NEIL2: variants seen among roughly 807,000 people sequenced by gnomAD.
NEIL2 encodes nei like DNA glycosylase 2, also known as endonuclease 8-like 2.
In NEIL2, 23 loss-of-function variants were observed where a neutral mutation model predicts 22.2. That is an observed-to-expected ratio of 1.04 (90% confidence interval 0.75 to 1.47). The LOEUF (loss-of-function observed/expected upper bound fraction) is 1.47. Among genes scored for constraint, NEIL2 ranks in the 40% most tolerant of loss-of-function variants. The pLI, the probability that NEIL2 is intolerant of heterozygous loss-of-function variation, is 0.00. For synonymous variants in NEIL2, 229 were observed against 164.8 expected (o/e 1.39, Z -2.99); for missense variants, 583 against 404.7 (o/e 1.44, Z -3.78).
In NEIL2 at chr8:11,779,093, T is replaced by G. The variant is rs111329973; in HGVS notation, c.139-505T>G. On this transcript the variant is annotated intron_variant, in intron 2 of 4. Coordinates refer to ENST00000284503, the MANE Select transcript of NEIL2 (RefSeq NM_145043.4). ...GTGGTGATCTGATTCACTGATCAAT[T>G]TTTGTTTCAGTATCTAATTTTTATT... Among the ~76,000 whole-genome samples, 1,040 of 152,240 alleles carry G rather than the reference T, an allele frequency of 6.8e-3. 9 individuals are homozygous for G. The highest frequency in any genetic ancestry group is 0.02 in the Middle Eastern group (6 of 294).
rs768520252 is a variant in NEIL2 at position 11,771,556 on chromosome 8, C to G, written c.109C>G (p.Leu37Val). ...CAGTAAGAAGCTACAGCCCGCCAGCCTGCAGTCTCTGTGGCTCCAGGACAC... is the reference window on the plus strand; with the variant it reads ...CAGTAAGAAGCTACAGCCCGCCAGCGTGCAGTCTCTGTGGCTCCAGGACAC... ...GSSKKLQPAS[L>V]QSLWLQDTQV... Residue 37 changes from leucine (L) to valine (V), a missense_variant, in exon 2 of 5, where the codon CTG (leucine) becomes GTG (valine). By Grantham distance (32) the Leu-to-Val change is conservative. Coordinates refer to ENST00000284503, the MANE Select transcript of NEIL2 (RefSeq NM_145043.4). 1.2e-6 allele frequency: 2 copies of G among 1,614,112 alleles called. No individual in the cohort carries two copies. Among genetic ancestry groups the G allele is most frequent in the Non-Finnish European group, 8.5e-7 (1 of 1,180,006 alleles).
At chr8:11,779,324 G>T (rs757247400) in intron 2 of NEIL2, among the ~76,000 whole-genome samples, 4 of 152,206 alleles carry the variant, frequency 2.6e-5, no homozygotes, top group East Asian at 3.8e-4. Context: ...AATTGGGAGC[G>T]ATTCCCTTCA....
At chr8:11,772,479 TC>T (rs1803544303) in intron 2 of NEIL2, among the ~76,000 whole-genome samples, 1 of 152,252 alleles carries the variant, frequency 6.6e-6, no homozygotes, top group African/African-American at 2.4e-5. Flanking sequence ...TTCCTGGTCT[TC>T]CAGCTTCCAC....
In NEIL2 at chr8:11,786,546, T is replaced by C. The variant is rs1804973517; in HGVS notation, c.*273T>C. Reference sequence around the variant, plus strand: ...TCGTGATGATGGGTAAGGGGAAAACTTCCCGGAAGGCAATGGGGCAAGGAA... The same window carrying C: ...TCGTGATGATGGGTAAGGGGAAAACCTCCCGGAAGGCAATGGGGCAAGGAA... On this transcript the variant is annotated 3_prime_UTR_variant, in exon 5 of 5. Coordinates refer to ENST00000284503, the MANE Select transcript of NEIL2 (RefSeq NM_145043.4). The C allele has an allele frequency of 3.9e-6, 2 of 511,080 alleles. No individual in the cohort carries two copies. Among genetic ancestry groups the C allele is most frequent in the Admixed American group, 3.2e-5 (1 of 31,022 alleles). 31.7% of individuals were successfully genotyped at this position (511,080 alleles called of 1,614,324 possible). A position where few individuals can be genotyped will look rare whatever the true frequency, so the allele number is the denominator to read the frequency against.
intron 2 of NEIL2, among the ~76,000 whole-genome samples, chr8:11,772,233 C>G (rs1231973466): frequency 6.6e-6 from 1 of 152,128 alleles, no homozygotes; most frequent in African/African-American, 2.4e-5. Flanking sequence ...GCAGAACCTT[C>G]AGATCTAGGT....
chr8:11,785,862 A>G, intron 4 of NEIL2, 101 bp from the exon 5 acceptor site: 1 of 1,083,072 alleles, frequency 9.2e-7, no homozygotes, highest in Non-Finnish European at 1.4e-6. Context: ...AGGGTCCCCC[A>G]GGACATGGAA....
intron 3 of NEIL2, 143 bp downstream of exon 3, chr8:11,780,093 C>A (rs1258431968): frequency 1.5e-6 from 1 of 655,988 alleles, no homozygotes; most frequent in African/African-American, 1.8e-5. Flanking sequence ...AGAGAGGCCA[C>A]CTCTGTATCT....
chr8:11,775,665 T>G (rs1803849334), intron 2 of NEIL2, among the ~76,000 whole-genome samples: 1 of 152,362 alleles, frequency 6.6e-6, no homozygotes, highest in Admixed American at 6.5e-5. Context: ...CTGCTTCCTC[T>G]TGAATGCTTT....
Position 11,786,692 on chromosome 8 carries a change from T to G in NEIL2, c.*419T>G, listed in dbSNP as rs1585797182. On this transcript the variant is annotated 3_prime_UTR_variant, in exon 5 of 5. Transcript: ENST00000284503. ...TCTTGCTCTGTCTCCCTGGCTAGGG[T>G]GTGGTGGTGTGATCTTGGCTCACGG... 1 of 239,174 alleles carries G rather than the reference T, an allele frequency of 4.2e-6. No homozygotes were observed. The highest frequency in any genetic ancestry group is 4.5e-5 in the South Asian group (1 of 22,076). The allele number at this position is 239,174 out of a possible 1,614,324, so 14.8% of individuals were successfully genotyped here. A position where few individuals can be genotyped will look rare whatever the true frequency, so the allele number is the denominator to read the frequency against.
chr8:11,775,313 C>G (rs1465168775), intron 2 of NEIL2, among the ~76,000 whole-genome samples: 1 of 124,818 alleles, frequency 8.0e-6, no homozygotes, highest in Admixed American at 9.8e-5. Context: ...GGCTTGTACC[C>G]TCTGAAGCAG....
chr8:11,775,027 C>A (rs921321237), intron 2 of NEIL2, among the ~76,000 whole-genome samples: 10 of 152,220 alleles, frequency 6.6e-5, no homozygotes, highest in African/African-American at 2.4e-4. Flanking sequence ...GTAGATCTAC[C>A]ATTCTGGGGT....
At position 11,783,187 on chromosome 8, in the gene NEIL2, TG is replaced by T; in HGVS notation, c.492-15del. 1 of 1,613,148 alleles carries T rather than the reference TG, an allele frequency of 6.2e-7. No homozygotes were observed. The highest frequency in any genetic ancestry group is 2.2e-5 in the East Asian group (1 of 44,886). On this transcript the variant is annotated splice_polypyrimidine_tract_variant and intron_variant, in intron 3 of 4. Transcript: ENST00000284503. ...GTGGTAACGATGTGTACATATGACCTGTTCTTTCTTCCCAGGTTGGTCCTGC... is the reference window on the plus strand; with the variant it reads ...GTGGTAACGATGTGTACATATGACCTTTCTTTCTTCCCAGGTTGGTCCTGC...
rs1188051910 is a variant in NEIL2 at position 11,772,095 on chromosome 8, C to G, written c.138+510C>G. The stretch of plus-strand genomic sequence containing the variant: ...GTGGGCGCCTGTAATCCCAGCTGCT[C>G]GGGAAGCTGAGGCAGGAGAATTGCT... On this transcript the variant is annotated intron_variant, in intron 2 of 4. Transcript: ENST00000284503. Among the ~76,000 whole-genome samples, 3 of 151,982 alleles carry G rather than the reference C, an allele frequency of 2.0e-5. No individual in the cohort carries two copies. The South Asian group carries it at 6.2e-4, about 32-fold the overall frequency.
chr8:11,774,621 A>G (rs996807137), intron 2 of NEIL2, among the ~76,000 whole-genome samples: 1 of 152,180 alleles, frequency 6.6e-6, no homozygotes, highest in South Asian at 2.1e-4. Flanking sequence ...CATTAATTTA[A>G]TAGGCCACAG....
chr8:11,772,891 TC>T (rs1348737203), intron 2 of NEIL2, among the ~76,000 whole-genome samples: 11 of 152,114 alleles, frequency 7.2e-5, no homozygotes. Flanking sequence ...AAGTACTAGT[TC>T]CCTTTCTTCC....
rs764887602 is a variant in NEIL2 at position 11,771,458 on chromosome 8, G to T, written c.11G>T (p.Gly4Val). 3.7e-6 allele frequency: 6 copies of T among 1,613,914 alleles called. No individual in the cohort carries two copies. Among genetic ancestry groups the T allele is most frequent in the Non-Finnish European group, 5.1e-6 (6 of 1,180,036 alleles). Residue 4 changes from glycine to valine, a missense_variant, in exon 2 of 5, where the codon GGG becomes GTG. By Grantham distance (109) the Gly-to-Val change is moderately radical (BLOSUM62 -3). Coordinates refer to ENST00000284503, the MANE Select transcript of NEIL2 (RefSeq NM_145043.4). ...TTTCTGCCCACAGGGATGCCAGAAG[G>T]GCCGTTGGTGAGGAAATTTCACCAT... Reference protein sequence around the residue: MPEGPLVRKFHHLV... With the variant: MPEVPLVRKFHHLV...
At chr8:11,782,395 C>T (rs368444830) in intron 3 of NEIL2, among the ~76,000 whole-genome samples, 2 of 152,024 alleles carry the variant, frequency 1.3e-5, no homozygotes, top group South Asian at 2.1e-4. Flanking sequence ...ACTGCACTCC[C>T]GCTTGGGTGA....
chr8:11,784,971 C>G (rs138714864), intron 4 of NEIL2, among the ~76,000 whole-genome samples: 1 of 152,104 alleles, frequency 6.6e-6, no homozygotes, highest in Non-Finnish European at 1.5e-5. Flanking sequence ...GTGGCTCAAG[C>G]GATCCTCCCA....
chr8:11,784,007 G>A (rs1404668126), intron 4 of NEIL2, among the ~76,000 whole-genome samples: 1 of 152,114 alleles, frequency 6.6e-6, no homozygotes, highest in African/African-American at 2.4e-5. Context: ...ACATATAACA[G>A]CTAATTAGCG....
Sources: allele counts gnomAD v4.1 joint callset (sites outside exome capture counted in the v4.1 genomes callset), GRCh38; gene constraint gnomAD v4.1.1; transcripts MANE v1.5; gene names NCBI Gene and HGNC (gene_info 2026-07-23, HGNC 2026-07-21).